Variants in DKK4 observed in about 807,000 individuals in gnomAD.
DKK4 encodes dickkopf Wnt signaling pathway inhibitor 4.
DKK4 carries 15 observed loss-of-function variants against 14.5 expected under a neutral mutation model. The observed-to-expected ratio is 1.03, with a 90% confidence interval of 0.69 to 1.59. The LOEUF is 1.59. Ranked by LOEUF, DKK4 falls within the 40% of genes most tolerant of loss-of-function variation. The pLI is 0.00. For synonymous variants in DKK4, 89 were observed against 105.2 expected (o/e 0.85, Z 0.94); for missense variants, 272 against 280.3 (o/e 0.97, Z 0.21).
chr8:42,376,102 A>G (rs1824557030), intron 1 of DKK4, among the ~76,000 whole-genome samples: 1 of 152,226 alleles, frequency 6.6e-6, no homozygotes, highest in African/African-American at 2.4e-5. Context: ...AAAATGGGAA[A>G]AAATGTTTTC....
chr8:42,387,344 CTTTTTTTTTTTTT>C, the DKK4 span, among the ~76,000 whole-genome samples: 117 of 44,906 alleles, frequency 2.6e-3, 2 homozygotes, highest in Middle Eastern at 0.062. Flanking sequence ...GAAGGCCAGT[CTTTTTTTTTTTTT>C]TTTTTTTTTT....
the DKK4 span, among the ~76,000 whole-genome samples, chr8:42,390,358 C>CTTTTTTTTTT: frequency 2.0e-5 from 2 of 99,478 alleles, no homozygotes; most frequent in East Asian, 2.9e-4. Context: ...CTTTTGCTTC[C>CTTTTTTTTTT]TTTTTTTTTT....
At chr8:42,379,744 TG>T (rs1387683925), upstream of DKK4, among the ~76,000 whole-genome samples, 1 of 151,832 alleles carries the variant, frequency 6.6e-6, no homozygotes, top group Non-Finnish European at 1.5e-5. Flanking sequence ...GAGGGTGAGG[TG>T]TGTGCAAGAG....
In DKK4 at chr8:42,374,746, G is replaced by T; in HGVS notation, c.415+15C>A. 6.2e-7 allele frequency: 1 copy of T among 1,613,912 alleles called. No individual in the cohort carries two copies. The highest frequency in any genetic ancestry group is 8.5e-7 in the Non-Finnish European group (1 of 1,179,950). ...GCATTTCTGAAATAAAATATGCTGCGAATGCTGTTCTTACCCTTCCTGCCT... is the reference window on the plus strand; with the variant it reads ...GCATTTCTGAAATAAAATATGCTGCTAATGCTGTTCTTACCCTTCCTGCCT... On this transcript the variant is annotated intron_variant, in intron 3 of 3. Transcript: ENST00000220812.
Position 42,375,829 on chromosome 8 carries a change from C to T in DKK4, c.113G>A (p.Gly38Asp), listed in dbSNP as rs775364820. ...GTCCGTGTCAGACAGGCACTGTGAG[C>T]CCTGTGGAGGGAATCTGTTATCACA... Reference protein sequence around the residue: ...SSADLHGARKGSQCLSDTDCN... With the variant: ...SSADLHGARKDSQCLSDTDCN... Residue 38 changes from glycine to aspartate, a missense_variant and splice_region_variant, in exon 2 of 4, where the codon GGC (glycine) becomes GAC (aspartate). Gly to Asp is a moderately conservative substitution (Grantham distance 94). Transcript: ENST00000220812. The T allele has an allele frequency of 1.2e-6, 2 of 1,613,682 alleles. No individual in the cohort carries two copies. Among genetic ancestry groups the T allele is most frequent in the South Asian group, 2.2e-5 (2 of 91,016 alleles).
chr8:42,379,514 A>G (rs892010894), upstream of DKK4, among the ~76,000 whole-genome samples: 1 of 151,040 alleles, frequency 6.6e-6, no homozygotes, highest in Non-Finnish European at 1.5e-5. Flanking sequence ...AGACATGTAC[A>G]TATGGATGAT....
chr8:42,381,993 T>C (rs992452200), upstream of DKK4, among the ~76,000 whole-genome samples: 1 of 152,142 alleles, frequency 6.6e-6, no homozygotes, highest in Non-Finnish European at 1.5e-5. Flanking sequence ...CAAGACTCCA[T>C]CTAAAAAACA....
chr8:42,390,015 C>T, the DKK4 span, among the ~76,000 whole-genome samples: 1 of 152,070 alleles, frequency 6.6e-6, no homozygotes, highest in Admixed American at 6.5e-5. Flanking sequence ...GCTTCAGCCT[C>T]CCCAGTAGCT....
upstream of DKK4, among the ~76,000 whole-genome samples, chr8:42,378,093 C>A (rs1330122248): frequency 6.6e-6 from 1 of 152,106 alleles, no homozygotes. Flanking sequence ...CTGCTTCATC[C>A]CTTTCCTGTC....
upstream of DKK4, among the ~76,000 whole-genome samples, chr8:42,377,687 G>A (rs930120515): frequency 2.6e-5 from 4 of 152,150 alleles, no homozygotes; most frequent in Non-Finnish European, 5.9e-5. Flanking sequence ...AGATAGTGAG[G>A]ACAGATAGAA....
intron 1 of DKK4, 52 bp from the exon 2 acceptor site, chr8:42,375,882 A>T (rs2130873288): frequency 1.3e-6 from 2 of 1,597,008 alleles, no homozygotes; most frequent in East Asian, 4.5e-5. Flanking sequence ...ACACGATGGA[A>T]GATGACTTAT....
At chr8:42,382,424 C>T in the DKK4 span, among the ~76,000 whole-genome samples, 1 of 152,232 alleles carries the variant, frequency 6.6e-6, no homozygotes, top group African/African-American at 2.4e-5. Flanking sequence ...AGAGGATGCA[C>T]GGTGAAGCAG....
upstream of DKK4, among the ~76,000 whole-genome samples, chr8:42,378,975 G>A (rs1003103699): frequency 3.3e-5 from 5 of 149,840 alleles, no homozygotes; most frequent in African/African-American, 9.9e-5. Context: ...AGTAGGCCGC[G>A]TGCGGTGGCT....
upstream of DKK4, among the ~76,000 whole-genome samples, chr8:42,378,111 T>C (rs769591219): frequency 5.4e-4 from 82 of 152,238 alleles, no homozygotes; most frequent in Non-Finnish European, 2.9e-4. Flanking sequence ...GTCTGATTTT[T>C]TTCCATTTGG....
At position 42,374,808 on chromosome 8, in the gene DKK4, T is replaced by G. The variant is rs1824525566; in HGVS notation, c.368A>C (p.Asn123Thr). 1.2e-6 allele frequency: 2 copies of G among 1,614,230 alleles called. No individual in the cohort carries two copies. The highest frequency in any genetic ancestry group is 1.7e-6 in the Non-Finnish European group (2 of 1,180,050). The stretch of plus-strand genomic sequence containing the variant: ...AATACTTGGCTTCCTTTTGGGTTGG[T>G]TTTCCTGGACTGGGTGCCCAGTTGT... The part of the protein sequence containing the change: ...EGTTGHPVQE[N>T]QPKRKPSIKK... The change falls in exon 3 of 4, where the codon AAC becomes ACC. Residue 123 changes from asparagine to threonine, a missense_variant. Transcript: ENST00000220812.
the DKK4 span, among the ~76,000 whole-genome samples, chr8:42,386,105 G>A: frequency 6.6e-6 from 1 of 152,198 alleles, no homozygotes; most frequent in Non-Finnish European, 1.5e-5. Flanking sequence ...CAGAGACGAA[G>A]TCTCACTGTG....
At chr8:42,387,408 A>C in the DKK4 span, among the ~76,000 whole-genome samples, 1 of 116,322 alleles carries the variant, frequency 8.6e-6, no homozygotes, top group Non-Finnish European at 1.6e-5. Context: ...CCCAGGCTGG[A>C]GTGCAATGGC....
chr8:42,374,770 C>A lies in DKK4; in HGVS notation c.406G>T (p.Gly136Cys). The change falls in exon 3 of 4, where the codon GGC (glycine) becomes TGC (cysteine). Residue 136 changes from glycine to cysteine, a missense_variant. Transcript: ENST00000220812. The stretch of plus-strand genomic sequence containing the variant: ...CGAATGCTGTTCTTACCCTTCCTGC[C>A]TTGTGATTTCTTAATACTTGGCTTC... ...KRKPSIKKSQGRKGQEGESCL... is the reference protein window; with the variant it reads ...KRKPSIKKSQCRKGQEGESCL... 1 of 1,614,192 alleles carries A rather than the reference C, an allele frequency of 6.2e-7. No individual in the cohort carries two copies. Among genetic ancestry groups the A allele is most frequent in the Non-Finnish European group, 8.5e-7 (1 of 1,180,038 alleles).
Position 42,374,202 on chromosome 8 carries a change from G to C in DKK4, c.573C>G (p.Phe191Leu). 1 of 1,613,196 alleles carries C rather than the reference G, an allele frequency of 6.2e-7. No homozygotes were observed. The highest frequency in any genetic ancestry group is 8.5e-7 in the Non-Finnish European group (1 of 1,179,852). The change falls in exon 4 of 4, where the codon TTC (phenylalanine) becomes TTG (leucine). Residue 191 changes from phenylalanine to leucine, a missense_variant. Phe to Leu is a conservative substitution (Grantham distance 22). Coordinates refer to ENST00000220812, the MANE Select transcript of DKK4 (RefSeq NM_014420.3). Reference protein sequence around the residue: ...HKDTAQAPEIFQRCDCGPGLL... With the variant: ...HKDTAQAPEILQRCDCGPGLL... ...GTCCAGGGCCACAGTCGCAACGCTG[G>C]AAGATTTCTGGAGCTTGAGCAGTGT...
Sources: allele counts gnomAD v4.1 joint callset (sites outside exome capture counted in the v4.1 genomes callset), GRCh38; gene constraint gnomAD v4.1.1; transcripts MANE v1.5; gene names NCBI Gene and HGNC (gene_info 2026-07-23, HGNC 2026-07-21).